DLG2: variants seen among roughly 807,000 people sequenced by gnomAD.
DLG2 encodes disks large homolog 2.
A neutral mutation model predicts 132.5 loss-of-function variants in DLG2; 45 were observed. That is an observed-to-expected ratio of 0.34 (90% confidence interval 0.27 to 0.44). DLG2 has a LOEUF of 0.44. Ranked by LOEUF, DLG2 falls within the 20% of genes least tolerant of loss-of-function variation. The probability of loss-of-function intolerance (pLI) is 1.00; values close to 1 mark genes in which losing one functional copy is unlikely to be tolerated. For synonymous variants in DLG2, 424 were observed against 419.6 expected, an observed-to-expected ratio of 1.01 and a Z score of -0.13; for missense variants, 1,045 against 1,196.9, an observed-to-expected ratio of 0.87 and a Z score of 1.87.
At chr11:84,841,032 G>A (rs977909158) in intron 6 of DLG2, among the ~76,000 whole-genome samples, 64 of 150,568 alleles carry the variant, frequency 4.3e-4, no homozygotes, top group Middle Eastern at 3.4e-3. Flanking sequence ...GAAACAGTAA[G>A]TAGGGGGGAT....
chr11:85,454,557 T>A (rs971837483), intron 3 of DLG2, among the ~76,000 whole-genome samples: 1 of 152,198 alleles, frequency 6.6e-6, no homozygotes, highest in Admixed American at 6.5e-5. Context: ...TTATCAATTA[T>A]TATTTTTGTT....
chr11:84,609,592 T>C (rs1463921618), intron 6 of DLG2, among the ~76,000 whole-genome samples: 1 of 152,158 alleles, frequency 6.6e-6, no homozygotes, highest in Non-Finnish European at 1.5e-5. Flanking sequence ...CTGCCGATGA[T>C]TAACACACCT....
intron 19 of DLG2, among the ~76,000 whole-genome samples, chr11:83,621,516 T>C (rs2061639369): frequency 6.6e-6 from 1 of 152,154 alleles, no homozygotes; most frequent in Non-Finnish European, 1.5e-5. Context: ...GAAATGATGC[T>C]ACTTAGCTTT....
chr11:85,062,231 C>G (rs1328041665), intron 6 of DLG2, among the ~76,000 whole-genome samples: 3 of 151,626 alleles, frequency 2.0e-5, no homozygotes, highest in Non-Finnish European at 4.4e-5. Context: ...AAGAAAAGTA[C>G]AGTTTGACAT....
At chr11:85,486,461 A>C (rs2093431754) in intron 3 of DLG2, among the ~76,000 whole-genome samples, 1 of 152,162 alleles carries the variant, frequency 6.6e-6, no homozygotes, top group Admixed American at 6.5e-5. Flanking sequence ...GAGCCTGTGA[A>C]CAAGTCTACT....
intron 3 of DLG2, among the ~76,000 whole-genome samples, chr11:85,389,493 C>G (rs1245608148): frequency 6.6e-6 from 1 of 152,032 alleles, no homozygotes; most frequent in Non-Finnish European, 1.5e-5. Context: ...CATTCAAATA[C>G]AAGAAGCTCA....
At chr11:83,909,699 G>C (rs1466247838) in intron 15 of DLG2, among the ~76,000 whole-genome samples, 2 of 152,138 alleles carry the variant, frequency 1.3e-5, no homozygotes, top group Non-Finnish European at 2.9e-5. Flanking sequence ...AAAAAAGAGA[G>C]ACTTATGCTG....
intron 4 of DLG2, among the ~76,000 whole-genome samples, chr11:85,223,700 A>T (rs2074803578): frequency 6.6e-6 from 1 of 152,100 alleles, no homozygotes; most frequent in Non-Finnish European, 1.5e-5. Context: ...AATGCACTAC[A>T]AGCCTTACTA....
At chr11:83,969,072 T>C (rs192202368) in intron 12 of DLG2, among the ~76,000 whole-genome samples, 1 of 152,198 alleles carries the variant, frequency 6.6e-6, no homozygotes, top group African/African-American at 2.4e-5. Flanking sequence ...TAACTTATCA[T>C]GAGAAGAGCT....
At chr11:85,411,484 A>G (rs1241232110) in intron 3 of DLG2, among the ~76,000 whole-genome samples, 1 of 151,858 alleles carries the variant, frequency 6.6e-6, no homozygotes, top group South Asian at 2.1e-4. Context: ...AAATATTAAT[A>G]ACAAATTTGT....
intron 7 of DLG2, chr11:84,317,304 G>A (rs1457437761): frequency 2.8e-6 from 4 of 1,441,346 alleles, no homozygotes; most frequent in Non-Finnish European, 2.7e-6. Context: ...GGGAGCAGTG[G>A]GAGCAGCGAC....
rs1312895835 is a variant in DLG2 at position 85,338,859 on chromosome 11, C to T, written c.41-53494G>A. ...AGCTGGGACTACAGGAGCCCACCAC[C>T]GTGCCCGGCTAATCTTTTGTACTTT... is the stretch of plus-strand genomic sequence containing the variant. On this transcript the variant is annotated intron_variant, in intron 3 of 27. Coordinates refer to ENST00000376104, the MANE Select transcript of DLG2 (RefSeq NM_001142699.3). Among the ~76,000 whole-genome samples, 3 of 152,016 alleles carry T rather than the reference C, an allele frequency of 2.0e-5. No individual in the cohort carries two copies. In the East Asian group the frequency reaches 5.8e-4, roughly 29 times the overall value.
intron 11 of DLG2, among the ~76,000 whole-genome samples, chr11:84,022,700 AAGT>A (rs1305808461): frequency 3.3e-5 from 5 of 152,186 alleles, no homozygotes; most frequent in African/African-American, 9.6e-5. Flanking sequence ...GAAAATGAAA[AAGT>A]AGAAAAATGG....
chr11:85,282,724 A>G (rs1357144277), intron 4 of DLG2, among the ~76,000 whole-genome samples: 1 of 151,992 alleles, frequency 6.6e-6, no homozygotes, highest in Non-Finnish European at 1.5e-5. Flanking sequence ...CTATGCATCT[A>G]GAAATTGAAT....
intron 19 of DLG2, among the ~76,000 whole-genome samples, chr11:83,601,542 C>T (rs1476890261): frequency 1.2e-5 from 1 of 85,530 alleles, no homozygotes; most frequent in African/African-American, 4.5e-5. Context: ...GACAAGGTCT[C>T]ACTCTGTCGC....
At chr11:83,877,870 C>T (rs550128698) in intron 15 of DLG2, among the ~76,000 whole-genome samples, 2 of 152,168 alleles carry the variant, frequency 1.3e-5, no homozygotes, top group Non-Finnish European at 2.9e-5. Context: ...CTGATGGTGA[C>T]TACAACTGGT....
At chr11:84,152,232 G>T (rs1342139292) in intron 9 of DLG2, among the ~76,000 whole-genome samples, 1 of 152,046 alleles carries the variant, frequency 6.6e-6, no homozygotes, top group Non-Finnish European at 1.5e-5. Flanking sequence ...CCAATGTTTG[G>T]TATGTATATA....
At chr11:84,437,688 A>AGCAGGAGGTCCGGGTGAG (rs1307980863) in intron 7 of DLG2, 1 of 152,328 alleles carries the variant, frequency 6.6e-6, no homozygotes, top group East Asian at 1.9e-4. Flanking sequence ...ACATCCTGCC[A>AGCAGGAGGTCCGGGTGAG]GCAGGAGGTC....
chr11:84,040,002 G>C (rs1341969396), intron 11 of DLG2, among the ~76,000 whole-genome samples: 1 of 150,628 alleles, frequency 6.6e-6, no homozygotes, highest in African/African-American at 2.4e-5. Flanking sequence ...GTGTTCTTTG[G>C]CTGCATAAAT....
Sources: allele counts gnomAD v4.1 joint callset (sites outside exome capture counted in the v4.1 genomes callset), GRCh38; gene constraint gnomAD v4.1.1; transcripts MANE v1.5; gene names NCBI Gene and HGNC (gene_info 2026-07-23, HGNC 2026-07-21).